PTGR2: variants seen among roughly 807,000 people sequenced by gnomAD.
The protein encoded by PTGR2 is 15-oxoprostaglandin 13-reductase.
PTGR2 carries 32 observed loss-of-function variants against 43.4 expected under a neutral mutation model. The observed-to-expected ratio is 0.74, with a 90% CI of 0.56 to 0.99. The LOEUF (loss-of-function observed/expected upper bound fraction) is 0.99. PTGR2 is among the 50% of genes least tolerant of loss of function. The pLI is 0.00. For missense variants in PTGR2, 373 were observed against 420.0 expected, an observed-to-expected ratio of 0.89 and a Z score of 0.98; for synonymous variants, 106 against 139.2, an observed-to-expected ratio of 0.76 and a Z score of 1.68.
intron 2 of PTGR2, among the ~76,000 whole-genome samples, 200 bp from the exon 3 acceptor site, chr14:73,860,339 T>C (rs1240535110): frequency 6.6e-6 from 1 of 151,824 alleles, no homozygotes; most frequent in African/African-American, 2.4e-5. Flanking sequence ...TGGTGGTGCA[T>C]GCCTGTAATC....
chr14:73,870,428 C>T (rs573402530), intron 3 of PTGR2, among the ~76,000 whole-genome samples: 2 of 152,218 alleles, frequency 1.3e-5, no homozygotes, highest in South Asian at 4.1e-4. Flanking sequence ...GATCTGCCCG[C>T]CTTGGCCTCC....
chr14:73,855,118 T>A (rs548419499), intron 1 of PTGR2, among the ~76,000 whole-genome samples: 3 of 152,212 alleles, frequency 2.0e-5, no homozygotes, highest in Non-Finnish European at 2.9e-5. Flanking sequence ...AATCCTGATT[T>A]TAATGAACCA....
At chr14:73,871,341 C>CTTTTTTTTTTTTTTTTTTTTTTTTTTTT (rs869073652) in intron 3 of PTGR2, among the ~76,000 whole-genome samples, 184 of 67,842 alleles carry the variant, frequency 2.7e-3, no homozygotes, top group Middle Eastern at 0.023. Context: ...GGCTGTTCAT[C>CTTTTTTTTTTTTTTTTTTTTTTTTTTTT]TTTTTTTTTT....
chr14:73,881,218 G>C lies in PTGR2; in HGVS notation c.865G>C (p.Val289Leu), dbSNP rs752367113. ...ERNITRERFL[V>L]LNYKDKFEPG... ...TCCTCACTGCAGGGAAAGATTTCTG[G>C]TATTAAATTATAAAGACAAATTTGA... The change falls in exon 8 of 10, where the codon GTA (valine) becomes CTA (leucine). Residue 289 changes from valine (V) to leucine (L), a missense_variant. Coordinates refer to ENST00000555661, the MANE Select transcript of PTGR2 (RefSeq NM_001146154.2). The C allele has an allele frequency of 6.2e-7, 1 of 1,602,750 alleles. No homozygotes were observed. Among genetic ancestry groups the C allele is most frequent in the Non-Finnish European group, 8.5e-7 (1 of 1,170,196 alleles).
intron 1 of PTGR2, among the ~76,000 whole-genome samples, chr14:73,855,064 G>A (rs1338079746): frequency 6.6e-6 from 1 of 152,148 alleles, no homozygotes; most frequent in Non-Finnish European, 1.5e-5. Flanking sequence ...TCAAGGGCAT[G>A]AAATAAATGG....
intron 4 of PTGR2, among the ~76,000 whole-genome samples, chr14:73,875,860 C>T (rs1417444551): frequency 3.2e-5 from 3 of 92,918 alleles, no homozygotes; most frequent in Non-Finnish European, 4.1e-5. Context: ...CTTGCTTTGT[C>T]GCCCAGGCTG....
chr14:73,871,302 A>G (rs2054720487), intron 3 of PTGR2, among the ~76,000 whole-genome samples: 1 of 131,600 alleles, frequency 7.6e-6, no homozygotes, highest in South Asian at 2.4e-4. Context: ...CTTTTCCCAT[A>G]TAACTTACCC....
chr14:73,873,056 A>C (rs2878736), intron 3 of PTGR2, among the ~76,000 whole-genome samples: 11,448 of 152,104 alleles, frequency 0.075, 898 homozygotes, highest in East Asian at 0.44. Context: ...CATGCCAGTA[A>C]TCCCAGCACT....
At chr14:73,869,608 C>G (rs1469478463) in intron 3 of PTGR2, among the ~76,000 whole-genome samples, 1 of 151,416 alleles carries the variant, frequency 6.6e-6, no homozygotes, top group Non-Finnish European at 1.5e-5. Flanking sequence ...AAACAAAGTT[C>G]GTATTTATCA....
At chr14:73,856,317 C>T (rs1253783765) in intron 1 of PTGR2, among the ~76,000 whole-genome samples, 1 of 152,058 alleles carries the variant, frequency 6.6e-6, no homozygotes, top group Non-Finnish European at 1.5e-5. Context: ...GCAATCTTGG[C>T]TCACTGCAAT....
In PTGR2 at chr14:73,860,631, CTT is replaced by C. The variant is rs1595349516; in HGVS notation, c.132_133del (p.Tyr45SerfsTer10). 10 of 1,486,428 alleles carry C rather than the reference CTT, an allele frequency of 6.7e-6. No individual in the cohort carries two copies. Among genetic ancestry groups the C allele is most frequent in the African/African-American group, 5.6e-5 (4 of 71,304 alleles). 92.1% of individuals were successfully genotyped at this position (1,486,428 alleles called of 1,614,324 possible). On this transcript the variant is annotated frameshift_variant, in exon 3 of 10. Transcript: ENST00000555661. LOFTEE classifies it high-confidence loss of function. ...INEGQVQVRT[L>X]YLSVDPYMRC... ...TGAAGGACAAGTACAAGTTAGAACT[CTT>C]TATCTTTCTGTGGATCCTTACATGG...
Position 73,851,832 on chromosome 14 carries a change from C to T in PTGR2, c.-159C>T, listed in dbSNP as rs1025469607. ...GGGGGCGCGGAGCCGGGCCTAGTCG[C>T]GCGCCTGCGTACTGCGGTCAGAGGG... On this transcript the variant is annotated 5_prime_UTR_variant, in exon 1 of 10. Transcript: ENST00000555661. 9 of 152,264 alleles carry T rather than the reference C, an allele frequency of 5.9e-5. No individual in the cohort carries two copies. Among genetic ancestry groups the T allele is most frequent in the African/African-American group, 1.9e-4 (8 of 41,454 alleles). The allele number at this position is 152,264 out of a possible 1,614,324, so 9.4% of individuals were successfully genotyped here.
intron 9 of PTGR2, among the ~76,000 whole-genome samples, chr14:73,883,517 G>A (rs182568825): frequency 3.2e-4 from 49 of 151,234 alleles, no homozygotes; most frequent in Non-Finnish European, 3.4e-4. Flanking sequence ...ACAGGGCCAT[G>A]CTCTGTCACC....
At chr14:73,852,302 C>A (rs2054247631) in intron 1 of PTGR2, among the ~76,000 whole-genome samples, 2 of 152,038 alleles carry the variant, frequency 1.3e-5, no homozygotes, top group Non-Finnish European at 2.9e-5. Context: ...CTGTCTGTCG[C>A]CCAGGTTGGA....
At chr14:73,870,481 C>T (rs1436994267) in intron 3 of PTGR2, among the ~76,000 whole-genome samples, 1 of 152,004 alleles carries the variant, frequency 6.6e-6, no homozygotes, top group Non-Finnish European at 1.5e-5. Flanking sequence ...CACCAGACCT[C>T]TTAAGCAGCT....
intron 3 of PTGR2, among the ~76,000 whole-genome samples, chr14:73,872,023 A>G (rs934448823): frequency 1.3e-5 from 2 of 152,166 alleles, no homozygotes; most frequent in African/African-American, 2.4e-5. Flanking sequence ...ACCGAACCAC[A>G]TGGGACCCCT....
intron 5 of PTGR2, 179 bp from the exon 6 acceptor site, chr14:73,878,917 G>A (rs1268966660): frequency 3.5e-6 from 2 of 568,364 alleles, no homozygotes; most frequent in Admixed American, 3.5e-5. Flanking sequence ...TTTTTTTTTA[G>A]GATGACATTG....
chr14:73,871,465 A>G (rs1332801812), intron 3 of PTGR2, among the ~76,000 whole-genome samples: 1 of 151,174 alleles, frequency 6.6e-6, no homozygotes, highest in Non-Finnish European at 1.5e-5. Flanking sequence ...TAAACAGTAA[A>G]TGTGAGTAAA....
Position 73,884,946 on chromosome 14 carries a change from T to C in PTGR2, c.*769T>C, listed in dbSNP as rs1383239782. 1 of 152,120 alleles carries C rather than the reference T, an allele frequency of 6.6e-6. No individual in the cohort carries two copies. The highest frequency in any genetic ancestry group is 1.5e-5 in the Non-Finnish European group (1 of 68,036). The allele number at this position is 152,120 out of a possible 1,614,324, so 9.4% of individuals were successfully genotyped here. A position where few individuals can be genotyped will look rare whatever the true frequency, so the allele number is the denominator to read the frequency against. On this transcript the variant is annotated 3_prime_UTR_variant, in exon 10 of 10. Coordinates refer to ENST00000555661, the MANE Select transcript of PTGR2 (RefSeq NM_001146154.2). The stretch of plus-strand genomic sequence containing the variant: ...AGGTTAGCAGGCACATACTGTCAAG[T>C]TGTAAAGATTGAGAGGGCAAACAGA...
Sources: allele counts gnomAD v4.1 joint callset (sites outside exome capture counted in the v4.1 genomes callset), GRCh38; gene constraint gnomAD v4.1.1; transcripts MANE v1.5; gene names NCBI Gene and HGNC (gene_info 2026-07-23, HGNC 2026-07-21).